The following RPH3AL variants were observed in gnomAD, a reference collection of about 807,000 sequenced individuals.
RPH3AL encodes rab effector Noc2.
A neutral mutation model predicts 43.1 loss-of-function variants in RPH3AL; 38 were observed. The observed-to-expected ratio is 0.88, with a 90% CI of 0.68 to 1.15. The LOEUF (loss-of-function observed/expected upper bound fraction) is 1.15, where lower values mean the gene tolerates loss of function less well. Ranked by LOEUF, RPH3AL falls within the 50% of genes most tolerant of loss-of-function variation. RPH3AL has a pLI of 0.00. For synonymous variants in RPH3AL, 189 were observed against 176.3 expected (o/e 1.07, Z -0.57); for missense variants, 462 against 423.2 (o/e 1.09, Z -0.81).
chr17:342,082 G>A (rs773167857), intron 1 of RPH3AL, among the ~76,000 whole-genome samples: 2 of 152,008 alleles, frequency 1.3e-5, no homozygotes, highest in South Asian at 2.1e-4. Flanking sequence ...AAGAAGATAC[G>A]CAAATGCCCA....
Position 314,440 on chromosome 17 carries a change from C to A in RPH3AL, c.351+4980G>T, listed in dbSNP as rs1054138731. Among the ~76,000 whole-genome samples, 5 of 151,200 alleles carry A rather than the reference C, an allele frequency of 3.3e-5. No individual in the cohort carries two copies. In the East Asian group the frequency reaches 7.7e-4, roughly 23 times the overall value. ...CCACTGACATGTAGTCCCTCTGCCC[C>A]CACCTCCATTGACCTGTAGTCTCTA... On this transcript the variant is annotated intron_variant, in intron 5 of 9. Coordinates refer to ENST00000331302, the MANE Select transcript of RPH3AL (RefSeq NM_006987.4).
At chr17:307,125 A>AGCAGATCCTCCCCATG (rs1395114100) in intron 5 of RPH3AL, among the ~76,000 whole-genome samples, 5 of 142,488 alleles carry the variant, frequency 3.5e-5, no homozygotes, top group African/African-American at 1.1e-4. Flanking sequence ...CCTGTCCCAC[A>AGCAGATCCTCCCCATG]GCAGATCCTC....
chr17:316,283 C>A (rs1434780401), intron 5 of RPH3AL, among the ~76,000 whole-genome samples: 1 of 8,784 alleles, frequency 1.1e-4, no homozygotes, highest in Non-Finnish European at 3.0e-4. Flanking sequence ...TCCAGTGATG[C>A]GTAGTCTCTG....
intron 8 of RPH3AL, among the ~76,000 whole-genome samples, chr17:219,410 G>C (rs1224690241): frequency 2.6e-5 from 4 of 151,202 alleles, no homozygotes; most frequent in Non-Finnish European, 5.9e-5. Flanking sequence ...TGTTGGGCAA[G>C]ATGGTCTCAA....
chr17:307,394 C>T lies in RPH3AL; in HGVS notation c.351+12026G>A, dbSNP rs541017633. Among the ~76,000 whole-genome samples the T allele has an allele frequency of 2.8e-4, 42 of 151,346 alleles. 1 individual carries two copies. Among genetic ancestry groups the T allele is most frequent in the Admixed American group, 1.4e-3 (22 of 15,222 alleles). ...GGTCCATCCCACGGCAGGTCCATCC[C>T]GCGGCAGGTCCTCCCCACGGCAGAT... is the stretch of plus-strand genomic sequence containing the variant. On this transcript the variant is annotated intron_variant, in intron 5 of 9. Coordinates refer to ENST00000331302, the MANE Select transcript of RPH3AL (RefSeq NM_006987.4).
rs1409921693 is a variant in RPH3AL at position 246,745 on chromosome 17, G to A, written c.613+366C>T. 6.6e-6 allele frequency among the ~76,000 whole-genome samples: 1 copy of A among 152,178 alleles called. No homozygotes were observed. The highest frequency in any genetic ancestry group is 1.5e-5 in the Non-Finnish European group (1 of 68,032). ...AAGGCAAGTGCCAGGAAGAGATGGT[G>A]AGGGCCTGCCTGGGAAAGATGTAGG... On this transcript the variant is annotated intron_variant, in intron 7 of 9. Coordinates refer to ENST00000331302, the MANE Select transcript of RPH3AL (RefSeq NM_006987.4). The surrounding 1 kb of genome is among the most constrained non-coding windows in gnomAD (Gnocchi z 4.8).
In RPH3AL at chr17:272,969, AGACCCCAGCAAGGG is replaced by A. The variant is rs1567604370; in HGVS notation, c.438+8785_438+8798del. Reference sequence around the variant, plus strand: ...CCCCAGCAAGGGCTACGTCAGGGTGAGACCCCAGCAAGGGCTACGTCAGGGTGAGACCCCAGCGA... The same window carrying A: ...CCCCAGCAAGGGCTACGTCAGGGTGACTACGTCAGGGTGAGACCCCAGCGA... On this transcript the variant is annotated intron_variant, in intron 6 of 9. Coordinates refer to ENST00000331302, the MANE Select transcript of RPH3AL (RefSeq NM_006987.4). 9.9e-4 allele frequency among the ~76,000 whole-genome samples: 104 copies of A among 105,420 alleles called. 1 individual carries two copies. Among genetic ancestry groups the A allele is most frequent in the Middle Eastern group, 5.3e-3 (1 of 188 alleles). 69.2% of individuals were successfully genotyped at this position (105,420 alleles called of 152,430 possible). A position where few individuals can be genotyped will look rare whatever the true frequency, so the allele number is the denominator to read the frequency against.
intron 6 of RPH3AL, among the ~76,000 whole-genome samples, chr17:279,653 C>G (rs2042732680): frequency 6.6e-6 from 1 of 152,146 alleles, no homozygotes; most frequent in South Asian, 2.1e-4. Flanking sequence ...ACTTTCTTTT[C>G]CTTCAAAGAT....
At position 219,526 on chromosome 17, in the gene RPH3AL, C is replaced by CATTTTTTTTT; in HGVS notation, c.727+96_727+97insAAAAAAAAAT. On this transcript the variant is annotated intron_variant, in intron 8 of 9. Coordinates refer to ENST00000331302, the MANE Select transcript of RPH3AL (RefSeq NM_006987.4). ...AGTTTCATTTCTTTTCTTTTTCTTC[C>CATTTTTTTTT]TTTTTTTTTTTTTTTTGAGATGGAG... 2.8e-5 allele frequency: 4 copies of CATTTTTTTTT among 143,872 alleles called. 2 individuals are homozygous for CATTTTTTTTT. Among genetic ancestry groups the CATTTTTTTTT allele is most frequent in the Non-Finnish European group, 5.2e-5 (4 of 77,290 alleles). 8.9% of individuals were successfully genotyped at this position (143,872 alleles called of 1,614,324 possible).
chr17:321,637 G>A (rs565313434), intron 3 of RPH3AL: 24 of 474,398 alleles, frequency 5.1e-5, no homozygotes, highest in Admixed American at 2.0e-4. Context: ...CCCAGGTTCC[G>A]TGTGCCGGGG....
intron 7 of RPH3AL, among the ~76,000 whole-genome samples, chr17:222,335 A>G (rs573722765): frequency 3.5e-4 from 53 of 152,358 alleles, no homozygotes; most frequent in Middle Eastern, 6.8e-3. Context: ...TCCTGCTCAC[A>G]ACCCTCTGAT....
intron 5 of RPH3AL, among the ~76,000 whole-genome samples, chr17:292,763 G>A (rs961800411): frequency 1.3e-5 from 2 of 152,178 alleles, no homozygotes; most frequent in Non-Finnish European, 2.9e-5. Flanking sequence ...AGCTTCAAGT[G>A]GGAGGGGCAC....
intron 6 of RPH3AL, among the ~76,000 whole-genome samples, chr17:273,084 C>A: frequency 7.3e-6 from 1 of 136,756 alleles, no homozygotes; most frequent in Non-Finnish European, 1.6e-5. Flanking sequence ...CAGGGAGAGA[C>A]CCCAGCGAGG....
At chr17:240,625 C>T (rs1051233655) in intron 7 of RPH3AL, among the ~76,000 whole-genome samples, 31 of 152,236 alleles carry the variant, frequency 2.0e-4, no homozygotes, top group Non-Finnish European at 1.3e-4. Context: ...CGTGGATCAG[C>T]ACTTTCTTCC....
intron 7 of RPH3AL, among the ~76,000 whole-genome samples, chr17:226,150 A>G (rs770218511): frequency 6.6e-6 from 1 of 152,244 alleles, no homozygotes; most frequent in Non-Finnish European, 1.5e-5. Flanking sequence ...ATTCACAAAA[A>G]ACAGGTAGAA....
chr17:251,319 TC>T (rs1258930282), intron 6 of RPH3AL, among the ~76,000 whole-genome samples: 3 of 152,130 alleles, frequency 2.0e-5, no homozygotes, highest in African/African-American at 4.8e-5. Flanking sequence ...AGGCACATGG[TC>T]TAAAAATCCA....
intron 8 of RPH3AL, among the ~76,000 whole-genome samples, chr17:218,354 C>CCTTT (rs1555529839): frequency 5.6e-3 from 267 of 47,774 alleles, no homozygotes; most frequent in African/African-American, 8.0e-3. Context: ...ATTACAGAGC[C>CCTTT]CTTCTTCTGC....
chr17:319,854 G>A (rs2044410493), intron 4 of RPH3AL, among the ~76,000 whole-genome samples: 1 of 101,672 alleles, frequency 9.8e-6, no homozygotes, highest in South Asian at 3.8e-4. Context: ...AAGCGAACTG[G>A]TTTCAGATAG....
chr17:331,535 C>G (rs1442413739), intron 2 of RPH3AL: 6 of 1,240,318 alleles, frequency 4.8e-6, no homozygotes, highest in Non-Finnish European at 6.3e-6. Context: ...GTCCTTCACT[C>G]GCACGGAGCA....
Sources: gnomAD v4.1 joint callset for allele counts (sites outside exome capture counted in the v4.1 genomes callset) on GRCh38, gnomAD v4.1.1 for gene constraint, Gnocchi (gnomAD v3.1) non-coding constraint, MANE v1.5 for transcripts, NCBI Gene and HGNC (gene_info 2026-07-23, HGNC 2026-07-21) for gene names.